YWHAB: variants seen among roughly 807,000 people sequenced by gnomAD.
YWHAB encodes tyrosine 3-monooxygenase/tryptophan 5-monooxygenase activation protein beta, also known as 14-3-3 protein beta/alpha.
Under a neutral mutation model 28.5 loss-of-function variants are expected in YWHAB, and 2 were observed. The ratio of observed to expected loss-of-function variants is 0.07; its 90% CI spans 0.03 to 0.22. YWHAB has a LOEUF of 0.22. YWHAB is among the 10% of genes least tolerant of loss of function. The probability of loss-of-function intolerance (pLI) is 1.00; values close to 1 mark genes in which losing one functional copy is unlikely to be tolerated. For synonymous variants in YWHAB, 103 were observed against 104.7 expected, an observed-to-expected ratio of 0.98 and a Z score of 0.10; for missense variants, 148 against 297.1, an observed-to-expected ratio of 0.50 and a Z score of 3.69.
intron 1 of YWHAB, among the ~76,000 whole-genome samples, chr20:44,893,779 A>G (rs1457923079): frequency 7.0e-6 from 1 of 142,910 alleles, no homozygotes; most frequent in African/African-American, 2.7e-5. Context: ...GCTCACTGCA[A>G]CCTCCACCTC....
chr20:44,890,150 A>G (rs1401086474), intron 1 of YWHAB, among the ~76,000 whole-genome samples: 3 of 152,210 alleles, frequency 2.0e-5, no homozygotes, highest in Admixed American at 6.5e-5. Context: ...AACTTTTTGT[A>G]TAGCGAACTG....
intron 4 of YWHAB, 44 bp from the exon 5 acceptor site, chr20:44,905,957 T>A: frequency 1.3e-6 from 2 of 1,540,078 alleles, no homozygotes; most frequent in Non-Finnish European, 1.8e-6. Context: ...CTAAACTAGC[T>A]CCAGAGAACT....
At chr20:44,889,400 T>C (rs183808516) in intron 1 of YWHAB, among the ~76,000 whole-genome samples, 16 of 152,322 alleles carry the variant, frequency 1.1e-4, no homozygotes, top group African/African-American at 3.8e-4. Flanking sequence ...ATCTGATACT[T>C]GTAATGAGAT....
At chr20:44,890,297 G>A (rs2066552758) in intron 1 of YWHAB, among the ~76,000 whole-genome samples, 1 of 152,140 alleles carries the variant, frequency 6.6e-6, no homozygotes, top group Admixed American at 6.5e-5. Context: ...GATGAGAGCT[G>A]GCTGGCTTTT....
Position 44,906,504 on chromosome 20 carries a change from T to TAAA in YWHAB, c.*87_*89dup, listed in dbSNP as rs775632748. The TAAA allele has an allele frequency of 5.5e-4, 198 of 358,078 alleles. No individual in the cohort carries two copies. The highest frequency in any genetic ancestry group is 1.1e-3 in the East Asian group (14 of 12,730). 22.2% of individuals were successfully genotyped at this position (358,078 alleles called of 1,614,324 possible). A position where few individuals can be genotyped will look rare whatever the true frequency, so the allele number is the denominator to read the frequency against. ...CCCTCAACATATATCCCTTGTGCGA[T>TAAA]AAAAAAAAAAAAAAAAAAAAAAAGA... On this transcript the variant is annotated 3_prime_UTR_variant, in exon 6 of 6. Coordinates refer to ENST00000353703, the MANE Select transcript of YWHAB (RefSeq NM_139323.4).
Position 44,901,700 on chromosome 20 carries a change from C to T in YWHAB, c.167C>T (p.Ala56Val). The T allele has an allele frequency of 6.2e-7, 1 of 1,613,924 alleles. No individual in the cohort carries two copies. The highest frequency in any genetic ancestry group is 8.5e-7 in the Non-Finnish European group (1 of 1,179,938). ...LSVAYKNVVG[A>V]RRSSWRVISS... is the part of the protein sequence containing the mutation. ...GTTGCCTACAAGAATGTGGTAGGCG[C>T]CCGCCGCTCTTCCTGGCGTGTCATC... Residue 56 changes from alanine (A) to valine (V), a missense_variant, in exon 2 of 6, where the codon GCC (alanine) becomes GTC (valine). Transcript: ENST00000353703.
chr20:44,902,985 G>T (rs2066636152), intron 2 of YWHAB: 22 of 918,722 alleles, frequency 2.4e-5, no homozygotes, highest in Non-Finnish European at 2.9e-5. Context: ...ACTTTTAAGA[G>T]CATCTGAAAG....
intron 3 of YWHAB, 42 bp from the exon 4 acceptor site, chr20:44,904,926 T>G: frequency 6.5e-7 from 1 of 1,548,500 alleles, no homozygotes; most frequent in East Asian, 2.3e-5. Context: ...GTGATACCTA[T>G]GAAAGAACCG....
intron 1 of YWHAB, among the ~76,000 whole-genome samples, chr20:44,895,326 A>T (rs1475981931): frequency 1.3e-5 from 2 of 152,222 alleles, no homozygotes; most frequent in African/African-American, 4.8e-5. Context: ...AGAACAGTGG[A>T]TGAGAAAGCC....
At position 44,904,186 on chromosome 20, in the gene YWHAB, C is replaced by T. The variant is rs113920919; in HGVS notation, c.424+70C>T. The T allele has an allele frequency of 9.6e-5, 152 of 1,587,552 alleles. No homozygotes were observed. In the African/African-American group the frequency reaches 1.6e-3, roughly 17 times the overall value. Reference sequence around the variant, plus strand: ...GTCTTCTTTCACAGGGACTTTTTAACGATTTTTGCTTTGTTCGCCATAGAC... The same window carrying T: ...GTCTTCTTTCACAGGGACTTTTTAATGATTTTTGCTTTGTTCGCCATAGAC... On this transcript the variant is annotated intron_variant, in intron 3 of 5. Transcript: ENST00000353703.
At chr20:44,890,164 G>A (rs1167495957) in intron 1 of YWHAB, among the ~76,000 whole-genome samples, 1 of 152,154 alleles carries the variant, frequency 6.6e-6, no homozygotes, top group Non-Finnish European at 1.5e-5. Context: ...CGAACTGATT[G>A]GACTTCTGAA....
In YWHAB at chr20:44,908,526, C is replaced by A. The variant is rs1373449633; in HGVS notation, c.*2088C>A. 6.6e-6 allele frequency: 1 copy of A among 152,432 alleles called. No individual in the cohort carries two copies. Among genetic ancestry groups the A allele is most frequent in the Admixed American group, 6.5e-5 (1 of 15,286 alleles). The allele number at this position is 152,432 out of a possible 1,614,324, so 9.4% of individuals were successfully genotyped here. A position where few individuals can be genotyped will look rare whatever the true frequency, so the allele number is the denominator to read the frequency against. ...AATAAAAATTTTATCAGTTAGTTGCCTGTGAATTGATGTGTCACCACCATC... is the reference window on the plus strand; with the variant it reads ...AATAAAAATTTTATCAGTTAGTTGCATGTGAATTGATGTGTCACCACCATC... On this transcript the variant is annotated 3_prime_UTR_variant, in exon 6 of 6. Transcript: ENST00000353703.
intron 1 of YWHAB, among the ~76,000 whole-genome samples, chr20:44,893,935 G>A (rs1055542582): frequency 1.3e-5 from 2 of 152,088 alleles, no homozygotes; most frequent in Non-Finnish European, 2.9e-5. Context: ...GACTTCAGGT[G>A]ATCTGCCTGC....
intron 1 of YWHAB, among the ~76,000 whole-genome samples, chr20:44,889,545 T>A (rs2066548603): frequency 6.6e-6 from 1 of 152,002 alleles, no homozygotes. Context: ...TTGTTTTCCC[T>A]AAAAGAACCA....
intron 1 of YWHAB, among the ~76,000 whole-genome samples, chr20:44,893,887 G>C (rs2066579147): frequency 6.6e-6 from 1 of 151,826 alleles, no homozygotes; most frequent in Non-Finnish European, 1.5e-5. Flanking sequence ...AGTAGAAACG[G>C]GGTTTCACCA....
intron 3 of YWHAB, 69 bp from the exon 4 acceptor site, chr20:44,904,899 G>A: frequency 1.9e-5 from 28 of 1,452,326 alleles, no homozygotes; most frequent in Non-Finnish European, 2.6e-5. Flanking sequence ...AAAATAATTT[G>A]ATAGTTGGTC....
At chr20:44,898,504 G>GT (rs975655123) in intron 1 of YWHAB, among the ~76,000 whole-genome samples, 32 of 145,352 alleles carry the variant, frequency 2.2e-4, no homozygotes, top group African/African-American at 4.8e-4. Context: ...ATACTTTCTT[G>GT]TTTTTTTTTT....
chr20:44,890,957 G>A (rs1255015482), intron 1 of YWHAB, among the ~76,000 whole-genome samples: 2 of 152,188 alleles, frequency 1.3e-5, no homozygotes, highest in Admixed American at 6.5e-5. Context: ...AGCAGAGTAC[G>A]TGTAAAATAA....
At position 44,889,851 on chromosome 20, in the gene YWHAB, A is replaced by C. The variant is rs190487741; in HGVS notation, c.-4+3965A>C. On this transcript the variant is annotated intron_variant, in intron 1 of 5. Transcript: ENST00000353703. ...GACAATTCTCTCTTTTCCTTAAGTG[A>C]GCATTGGAGTTCATAATTGATCTTT... Among the ~76,000 whole-genome samples, 23 of 152,292 alleles carry C rather than the reference A, an allele frequency of 1.5e-4. No homozygotes were observed. In the East Asian group the frequency reaches 4.4e-3, roughly 29 times the overall value.
Sources: gnomAD v4.1 joint callset for allele counts (sites outside exome capture counted in the v4.1 genomes callset) on GRCh38, gnomAD v4.1.1 for gene constraint, MANE v1.5 for transcripts, NCBI Gene and HGNC (gene_info 2026-07-23, HGNC 2026-07-21) for gene names.